The following LRRK2 variants were observed in gnomAD, a reference collection of about 807,000 sequenced individuals.
LRRK2 encodes leucine-rich repeat serine/threonine-protein kinase 2.
A neutral mutation model predicts 302.6 loss-of-function variants in LRRK2; 203 were observed. That is an observed-to-expected ratio of 0.67 (90% CI 0.60 to 0.75). LRRK2 has a LOEUF of 0.75. LRRK2 is among the 30% of genes least tolerant of loss of function. The pLI, the probability that LRRK2 is intolerant of heterozygous loss-of-function variation, is 0.00. For missense variants in LRRK2, 2,830 were observed against 2,951.0 expected (o/e 0.96, Z 0.95); for synonymous variants, 1,066 against 1,031.9 (o/e 1.03, Z -0.63).
intron 12 of LRRK2, among the ~76,000 whole-genome samples, chr12:40,258,758 G>T (rs1228845310): frequency 6.6e-6 from 1 of 152,220 alleles, no homozygotes; most frequent in Non-Finnish European, 1.5e-5. Context: ...CCAATGGAGG[G>T]ATGTGTTTAA....
At chr12:40,234,110 G>A (rs557318678) in intron 3 of LRRK2, among the ~76,000 whole-genome samples, 2 of 152,260 alleles carry the variant, frequency 1.3e-5, no homozygotes, top group East Asian at 1.9e-4. Flanking sequence ...GGAGAGGTAG[G>A]GGCAGGGTGA....
At chr12:40,356,253 C>A in intron 46 of LRRK2, 66 bp downstream of exon 46, 1 of 1,118,434 alleles carries the variant, frequency 8.9e-7, no homozygotes, top group Non-Finnish European at 1.3e-6. Context: ...ATATCTCACA[C>A]CCCTCTTATG....
At chr12:40,225,410 A>C in intron 1 of LRRK2, 128 bp downstream of exon 1, 2 of 1,302,438 alleles carry the variant, frequency 1.5e-6, no homozygotes, top group South Asian at 1.2e-5. Context: ...GCAAACTCCC[A>C]TATCCTTTCC....
chr12:40,311,628 C>T lies in LRRK2; in HGVS notation c.4536+979C>T, dbSNP rs1592271941. 2.6e-5 allele frequency among the ~76,000 whole-genome samples: 4 copies of T among 152,240 alleles called. 1 individual carries two copies. The highest frequency in any genetic ancestry group is 2.6e-4 in the Admixed American group (4 of 15,286). ...TTTGGATGATAAATTATATAGTCAC[C>T]TTGGTTATAACTCCATGCTGGCCAG... On this transcript the variant is annotated intron_variant, in intron 31 of 50. Coordinates refer to ENST00000298910, the MANE Select transcript of LRRK2 (RefSeq NM_198578.4).
intron 3 of LRRK2, among the ~76,000 whole-genome samples, chr12:40,234,574 T>G (rs1368119931): frequency 6.6e-6 from 1 of 151,866 alleles, no homozygotes; most frequent in East Asian, 1.9e-4. Flanking sequence ...AGACAGGGTT[T>G]CATCATGTTG....
intron 20 of LRRK2, among the ~76,000 whole-genome samples, chr12:40,292,662 T>G (rs568768937): frequency 6.6e-6 from 1 of 151,882 alleles, no homozygotes; most frequent in Non-Finnish European, 1.5e-5. Flanking sequence ...GGATTTATAC[T>G]GAATATTATA....
chr12:40,319,325 G>C (rs1945328080), intron 33 of LRRK2, among the ~76,000 whole-genome samples: 1 of 152,024 alleles, frequency 6.6e-6, no homozygotes, highest in Non-Finnish European at 1.5e-5. Context: ...TACAGAGCTA[G>C]TAGTAGAGCC....
chr12:40,259,539 G>A lies in LRRK2; in HGVS notation c.1478G>A (p.Arg493His), dbSNP rs963809097. The change falls in exon 13 of 51, where the codon CGT (arginine) becomes CAT (histidine). Residue 493 changes from arginine (R) to histidine (H), a missense_variant. By Grantham distance (29) the Arg-to-His change is conservative. This residue lies in a region of LRRK2 where 2,121 missense variants were observed against 2,148.0 expected (regional missense o/e 0.99). Coordinates refer to ENST00000298910, the MANE Select transcript of LRRK2 (RefSeq NM_198578.4). ...CCCAAAATACTAACAGTTATGAAAC[G>A]TCATGAGACATCATTACCAGTGCAG... is the stretch of plus-strand genomic sequence containing the variant. ...VVPKILTVMK[R>H]HETSLPVQLE... is the part of the protein sequence containing the mutation. The A allele has an allele frequency of 9.3e-6, 15 of 1,613,170 alleles. No homozygotes were observed. The highest frequency in any genetic ancestry group is 8.8e-5 in the South Asian group (8 of 91,074).
chr12:40,334,899 T>G, intron 39 of LRRK2, 68 bp from the exon 40 acceptor site: 1 of 1,547,946 alleles, frequency 6.5e-7, no homozygotes, highest in Non-Finnish European at 8.9e-7. Flanking sequence ...TTGATGCACT[T>G]TAAAGAAGGA....
At position 40,299,248 on chromosome 12, in the gene LRRK2, A is replaced by T. The variant is rs1226030072; in HGVS notation, c.3487A>T (p.Asn1163Tyr). The change falls in exon 25 of 51, where the codon AAT (asparagine) becomes TAT (tyrosine). Residue 1163 changes from asparagine to tyrosine, a missense_variant. Asn to Tyr is a moderately radical substitution (Grantham distance 143). This residue lies in a region of LRRK2 where 2,121 missense variants were observed against 2,148.0 expected (regional missense o/e 0.99). Transcript: ENST00000298910. ...AGTGGAGAGTTTCAGTGCCAGAATG[A>T]ATTTTCTTGGTAAGTGTTCTGTGTG... ...PKVESFSARM[N>Y]FLAAMPFLPP... The T allele has an allele frequency of 1.9e-6, 3 of 1,613,216 alleles. No individual in the cohort carries two copies. The highest frequency in any genetic ancestry group is 2.5e-6 in the Non-Finnish European group (3 of 1,179,554).
Position 40,252,848 on chromosome 12 carries a change from G to A in LRRK2, c.1182-62G>A, listed in dbSNP as rs115077668. 6.5e-4 allele frequency: 706 copies of A among 1,085,654 alleles called. 3 individuals are homozygous for A. The African/African-American group carries it at 0.01, about 15-fold the overall frequency. The allele number at this position is 1,085,654 out of a possible 1,614,324, so 67.3% of individuals were successfully genotyped here. A position where few individuals can be genotyped will look rare whatever the true frequency, so the allele number is the denominator to read the frequency against. On this transcript the variant is annotated intron_variant, in intron 10 of 50. Transcript: ENST00000298910. ...TGTTAGAGATATTTGATAATGGCAA[G>A]TGAGAATTTGAGATAGTTATTTAAA...
At chr12:40,273,295 C>T (rs1322447444) in intron 14 of LRRK2, among the ~76,000 whole-genome samples, 1 of 151,994 alleles carries the variant, frequency 6.6e-6, no homozygotes, top group Non-Finnish European at 1.5e-5. Flanking sequence ...TTTAATTGGC[C>T]TCCAAGCTGA....
chr12:40,264,623 A>G (rs1942928254), intron 14 of LRRK2, among the ~76,000 whole-genome samples: 1 of 152,240 alleles, frequency 6.6e-6, no homozygotes, highest in Non-Finnish European at 1.5e-5. Flanking sequence ...TCGTCTCAAA[A>G]CAAAAACAAA....
At position 40,308,692 on chromosome 12, in the gene LRRK2, T is replaced by G; in HGVS notation, c.4185T>G (p.Phe1395Leu). 1.9e-6 allele frequency: 3 copies of G among 1,613,340 alleles called. No homozygotes were observed. The highest frequency in any genetic ancestry group is 2.5e-6 in the Non-Finnish European group (3 of 1,179,568). The change falls in exon 29 of 51, where the codon TTT becomes TTG. Residue 1395 changes from phenylalanine (F) to leucine (L), a missense_variant. By Grantham distance (22) the Phe-to-Leu change is conservative. This residue lies in a region of LRRK2 where 2,121 missense variants were observed against 2,148.0 expected (regional missense o/e 0.99). Coordinates refer to ENST00000298910, the MANE Select transcript of LRRK2 (RefSeq NM_198578.4). ...ATCTCGTCCTAAATGTGTGGGATTT[T>G]GCAGGTATTTCTTTCTATAGAATTT... ...KRDLVLNVWD[F>L]AGREEFYSTH...
At chr12:40,264,448 G>T (rs941427127) in intron 14 of LRRK2, among the ~76,000 whole-genome samples, 1 of 152,054 alleles carries the variant, frequency 6.6e-6, no homozygotes, top group Non-Finnish European at 1.5e-5. Context: ...GTGAAACCCT[G>T]TCTCTACTAA....
chr12:40,292,383 T>G (rs1000759215), intron 20 of LRRK2, among the ~76,000 whole-genome samples: 10 of 152,020 alleles, frequency 6.6e-5, no homozygotes, highest in African/African-American at 2.4e-4. Flanking sequence ...CTGAAAGAAC[T>G]CTCTTCAAGT....
chr12:40,297,606 A>C (rs1944431319), intron 23 of LRRK2, among the ~76,000 whole-genome samples: 1 of 152,198 alleles, frequency 6.6e-6, no homozygotes, highest in Admixed American at 6.5e-5. Flanking sequence ...TGATAAATAA[A>C]GAAGACCATA....
chr12:40,311,431 C>A (rs553346421), intron 31 of LRRK2, among the ~76,000 whole-genome samples: 2 of 152,188 alleles, frequency 1.3e-5, no homozygotes, highest in South Asian at 4.1e-4. Flanking sequence ...GAAAAATACC[C>A]TTGATAGTTC....
intron 32 of LRRK2, 48 bp downstream of exon 32, chr12:40,314,221 A>C (rs751987730): frequency 3.9e-6 from 6 of 1,544,910 alleles, no homozygotes. Context: ...GTAGTAACTT[A>C]TAAAAGTGTT....
Sources: allele counts gnomAD v4.1 joint callset (sites outside exome capture counted in the v4.1 genomes callset), GRCh38; gene constraint gnomAD v4.1.1; regional missense constraint gnomAD v4.1.1; transcripts MANE v1.5; gene names NCBI Gene and HGNC (gene_info 2026-07-23, HGNC 2026-07-21).